The following EFR3B variants were observed in gnomAD, a reference collection of about 807,000 sequenced individuals.
The protein encoded by EFR3B is protein EFR3 homolog B.
EFR3B carries 64 observed loss-of-function variants against 104.7 expected under a neutral mutation model. The observed-to-expected ratio is 0.61, with a 90% confidence interval of 0.50 to 0.75. EFR3B has a LOEUF of 0.75. Ranked by LOEUF, EFR3B falls within the 30% of genes least tolerant of loss-of-function variation. EFR3B has a pLI of 0.00. For missense variants in EFR3B, 750 were observed against 1,078.5 expected, an observed-to-expected ratio of 0.70 and a Z score of 4.27; for synonymous variants, 385 against 417.9, an observed-to-expected ratio of 0.92 and a Z score of 0.96.
At chr2:25,065,465 A>G (rs1018355944) in intron 1 of EFR3B, among the ~76,000 whole-genome samples, 3 of 151,152 alleles carry the variant, frequency 2.0e-5, no homozygotes, top group African/African-American at 7.3e-5. Flanking sequence ...TGCTGAGATT[A>G]CAGGTGTCAG....
chr2:25,096,919 A>G (rs957014623), intron 3 of EFR3B, among the ~76,000 whole-genome samples: 9 of 152,336 alleles, frequency 5.9e-5, no homozygotes, highest in African/African-American at 1.2e-4. Flanking sequence ...ATCATTTTAT[A>G]TAATAAAATG....
chr2:25,103,951 A>G (rs1669496132), intron 4 of EFR3B, among the ~76,000 whole-genome samples, 164 bp downstream of exon 4: 1 of 152,066 alleles, frequency 6.6e-6, no homozygotes, highest in African/African-American at 2.4e-5. Flanking sequence ...GTGTGAACAA[A>G]GGGCCCTTTC....
chr2:25,072,492 C>T (rs1203164835), intron 1 of EFR3B, among the ~76,000 whole-genome samples: 2 of 152,106 alleles, frequency 1.3e-5, no homozygotes, highest in Admixed American at 6.6e-5. Flanking sequence ...ATGTTGCCTG[C>T]GCTGGTCTTG....
At chr2:25,105,184 G>A (rs889486610) in intron 4 of EFR3B, among the ~76,000 whole-genome samples, 1 of 151,960 alleles carries the variant, frequency 6.6e-6, no homozygotes, top group Admixed American at 6.6e-5. Flanking sequence ...ACTGAGCCTC[G>A]CTCTGTCACC....
rs1490189455 is a variant in EFR3B at position 25,154,321 on chromosome 2, C to T, written c.2435C>T (p.Pro812Leu). 1 of 1,552,048 alleles carries T rather than the reference C, an allele frequency of 6.4e-7. No individual in the cohort carries two copies. The highest frequency in any genetic ancestry group is 8.7e-7 in the Non-Finnish European group (1 of 1,147,116). The change falls in exon 23 of 23, where the codon CCC becomes CTC. Residue 812 changes from proline (P) to leucine (L), a missense_variant. Transcript: ENST00000403714. The surrounding 1 kb of genome is among the most constrained non-coding windows in gnomAD (Gnocchi z 4.1). ...ATCCCCGTCTATGAAATGAAGTTTC[C>T]CGATCTGTGTGTATACTGAATTCCA... is the stretch of plus-strand genomic sequence containing the variant. ...HSIPVYEMKF[P>L]DLCVY
intron 1 of EFR3B, among the ~76,000 whole-genome samples, chr2:25,085,693 G>T (rs1429349099): frequency 1.3e-5 from 2 of 151,934 alleles, no homozygotes; most frequent in Non-Finnish European, 2.9e-5. Context: ...TCGAACTCAT[G>T]ACCTCAAGTG....
intron 1 of EFR3B, among the ~76,000 whole-genome samples, chr2:25,090,432 A>G (rs1180229812): frequency 2.6e-5 from 4 of 152,260 alleles, no homozygotes; most frequent in Admixed American, 2.6e-4. Flanking sequence ...TTGTTTTATC[A>G]GTGGTTTCCT....
At chr2:25,073,577 G>A (rs900050066) in intron 1 of EFR3B, among the ~76,000 whole-genome samples, 1 of 151,932 alleles carries the variant, frequency 6.6e-6, no homozygotes, top group Non-Finnish European at 1.5e-5. Flanking sequence ...GGCTGGTCTT[G>A]AACTCCTGAG....
chr2:25,112,254 TGA>T (rs1335799830), intron 4 of EFR3B, among the ~76,000 whole-genome samples: 2 of 152,276 alleles, frequency 1.3e-5, no homozygotes, highest in African/African-American at 4.8e-5. Context: ...GGACAGGCTC[TGA>T]GAGCAGAGGC....
In EFR3B at chr2:25,131,936, C is replaced by T. The variant is rs1350519797; in HGVS notation, c.1147+25C>T. On this transcript the variant is annotated intron_variant, in intron 10 of 22. Transcript: ENST00000403714. This position sits in a 1 kb window ranked among gnomAD's most constrained non-coding sequence, Gnocchi z 7.6. ...GGTGCGGCGCGGGGCCGGGCCGGGG[C>T]GGGGCGGGGCCGAGGCGCGGAGTGG... 5.9e-6 allele frequency: 2 copies of T among 341,652 alleles called. No homozygotes were observed. Among genetic ancestry groups the T allele is most frequent in the Non-Finnish European group, 3.9e-6 (1 of 258,574 alleles). 21.2% of individuals were successfully genotyped at this position (341,652 alleles called of 1,614,324 possible). A position where few individuals can be genotyped will look rare whatever the true frequency, so the allele number is the denominator to read the frequency against.
chr2:25,070,787 C>T (rs1471345478), intron 1 of EFR3B, among the ~76,000 whole-genome samples: 1 of 152,114 alleles, frequency 6.6e-6, no homozygotes, highest in African/African-American at 2.4e-5. Context: ...CGCAGAGGCT[C>T]AGAGGGACAG....
chr2:25,086,571 T>C (rs1037856348), intron 1 of EFR3B, among the ~76,000 whole-genome samples: 2 of 152,212 alleles, frequency 1.3e-5, no homozygotes, highest in African/African-American at 4.8e-5. Flanking sequence ...TTTGCTGCGA[T>C]GTCTATTAAG....
intron 1 of EFR3B, among the ~76,000 whole-genome samples, chr2:25,055,936 A>C (rs555965922): frequency 1.1e-4 from 17 of 152,324 alleles, no homozygotes; most frequent in Middle Eastern, 3.4e-3. Context: ...TGAGGACACT[A>C]TCTTAATCAG....
rs1291892395 is a variant in EFR3B, at chr2:25,156,408, CT to C, written c.*2069del. The C allele has an allele frequency of 6.6e-6, 1 of 150,500 alleles. No homozygotes were observed. The highest frequency in any genetic ancestry group is 6.6e-5 in the Admixed American group (1 of 15,078). 9.3% of individuals were successfully genotyped at this position (150,500 alleles called of 1,614,324 possible). A position where few individuals can be genotyped will look rare whatever the true frequency, so the allele number is the denominator to read the frequency against. ...CGCCTCCTGGGTTCAAGTGATTCTC[CT>C]GCCTCAGCCTCCTGAGTAGCTGGGA... On this transcript the variant is annotated 3_prime_UTR_variant, in exon 23 of 23. Coordinates refer to ENST00000403714, the MANE Select transcript of EFR3B (RefSeq NM_014971.2).
intron 4 of EFR3B, among the ~76,000 whole-genome samples, chr2:25,111,856 A>G (rs1402650052): frequency 6.6e-6 from 1 of 152,212 alleles, no homozygotes; most frequent in Non-Finnish European, 1.5e-5. Flanking sequence ...TGAGGAAATG[A>G]ATGCTCCCCA....
intron 1 of EFR3B, among the ~76,000 whole-genome samples, chr2:25,045,817 C>T (rs563223322): frequency 6.6e-6 from 1 of 152,114 alleles, no homozygotes; most frequent in East Asian, 1.9e-4. Context: ...TAAGAGTTTC[C>T]CTGTTGCTCT....
chr2:25,056,337 A>G (rs1351837714), intron 1 of EFR3B, among the ~76,000 whole-genome samples: 1 of 151,958 alleles, frequency 6.6e-6, no homozygotes, highest in Non-Finnish European at 1.5e-5. Flanking sequence ...GGTTTGTGGC[A>G]CTCAGGATAA....
At chr2:25,125,375 T>A (rs1670135049) in intron 5 of EFR3B, among the ~76,000 whole-genome samples, 1 of 152,222 alleles carries the variant, frequency 6.6e-6, no homozygotes, top group African/African-American at 2.4e-5. Flanking sequence ...GTGTCACTTG[T>A]CCCTTGGTTA....
At chr2:25,064,600 G>A (rs1262842869) in intron 1 of EFR3B, among the ~76,000 whole-genome samples, 2 of 152,172 alleles carry the variant, frequency 1.3e-5, no homozygotes, top group African/African-American at 4.8e-5. Flanking sequence ...GAGAGTATGA[G>A]TTATTTATTG....
Sources: gnomAD v4.1 joint callset for allele counts (sites outside exome capture counted in the v4.1 genomes callset) on GRCh38, gnomAD v4.1.1 for gene constraint, Gnocchi (gnomAD v3.1) non-coding constraint, MANE v1.5 for transcripts, NCBI Gene and HGNC (gene_info 2026-07-23, HGNC 2026-07-21) for gene names.